Variants in SPART observed in about 807,000 individuals in gnomAD.
SPART encodes the protein spartin.
A neutral mutation model predicts 58.7 loss-of-function variants in SPART; 35 were observed. That is an observed-to-expected ratio of 0.60 (90% CI 0.46 to 0.79). The LOEUF is 0.79. Ranked by LOEUF, SPART falls within the 30% of genes least tolerant of loss-of-function variation. The pLI is 0.00. For missense variants in SPART, 730 were observed against 786.1 expected, an observed-to-expected ratio of 0.93 and a Z score of 0.85; for synonymous variants, 284 against 280.7, an observed-to-expected ratio of 1.01 and a Z score of -0.12.
chr13:36,344,309 C>T (rs1395725082), intron 1 of SPART, among the ~76,000 whole-genome samples: 1 of 152,046 alleles, frequency 6.6e-6, no homozygotes, highest in East Asian at 1.9e-4. Context: ...ATTTTACATA[C>T]GGTGTGATGA....
At chr13:36,359,923 TAAAAA>T (rs375878141) in intron 1 of SPART, among the ~76,000 whole-genome samples, 2 of 120,308 alleles carry the variant, frequency 1.7e-5, no homozygotes, top group African/African-American at 6.6e-5. Flanking sequence ...GTTGTTAATT[TAAAAA>T]AAAAAAAAAA....
At chr13:36,323,271 G>T (rs968761082) in intron 5 of SPART, among the ~76,000 whole-genome samples, 1 of 152,166 alleles carries the variant, frequency 6.6e-6, no homozygotes, top group Admixed American at 6.5e-5. Flanking sequence ...AACCACTAAA[G>T]TGTTTCAGAA....
At chr13:36,365,758 G>C (rs1478701520) in intron 1 of SPART, 2 of 332,910 alleles carry the variant, frequency 6.0e-6, no homozygotes, top group South Asian at 2.9e-5. Flanking sequence ...CGTCTGCAAT[G>C]GAACAGGCGA....
intron 3 of SPART, among the ~76,000 whole-genome samples, chr13:36,330,921 C>T (rs1459590892): frequency 6.6e-6 from 1 of 152,188 alleles, no homozygotes; most frequent in South Asian, 2.1e-4. Context: ...CATAACCTAT[C>T]TACTAAAGCT....
upstream of SPART, among the ~76,000 whole-genome samples, chr13:36,347,985 CT>C (rs1375237276): frequency 6.6e-6 from 1 of 152,054 alleles, no homozygotes; most frequent in South Asian, 2.1e-4. Context: ...GTCAATATTT[CT>C]TTAGTCTTGC....
Position 36,312,044 on chromosome 13 carries a change from G to A in SPART, c.1733+101C>T, listed in dbSNP as rs369796228. ...GGAGGTTGCAGTGACCTAAGATCGC[G>A]CCATTGCACTCCAGCTTGGGCAACA... is the stretch of plus-strand genomic sequence containing the variant. On this transcript the variant is annotated intron_variant, in intron 8 of 8. Coordinates refer to ENST00000438666, the MANE Select transcript of SPART (RefSeq NM_015087.5). The A allele has an allele frequency of 2.9e-5, 31 of 1,071,070 alleles. No individual in the cohort carries two copies. The African/African-American group carries it at 3.0e-4, about 10-fold the overall frequency. 66.3% of individuals were successfully genotyped at this position (1,071,070 alleles called of 1,614,324 possible).
chr13:36,336,576 C>T (rs1366852130), intron 1 of SPART, among the ~76,000 whole-genome samples: 1 of 152,178 alleles, frequency 6.6e-6, no homozygotes, highest in African/African-American at 2.4e-5. Flanking sequence ...ACAAGTGGAA[C>T]TCTTCTACCT....
intron 1 of SPART, among the ~76,000 whole-genome samples, chr13:36,337,826 A>T (rs183945373): frequency 1.9e-3 from 296 of 152,320 alleles, no homozygotes; most frequent in Middle Eastern, 3.4e-3. Flanking sequence ...ATTTTGATAC[A>T]CTGAAAAGCT....
chr13:36,326,644 G>C lies in SPART; in HGVS notation c.1219C>G (p.Pro407Ala), dbSNP rs779484517. The C allele has an allele frequency of 5.6e-6, 9 of 1,612,988 alleles. No individual in the cohort carries two copies. Among genetic ancestry groups the C allele is most frequent in the Non-Finnish European group, 7.6e-6 (9 of 1,179,706 alleles). ...VNLSHIVPCE[P>A]VPEEKPKELP... is the part of the protein sequence containing the mutation. ...TCTTTTGGCTTTTCTTCTGGAACTG[G>C]CTCACATGGTACAATGTGACTCAGG... is the stretch of plus-strand genomic sequence containing the variant. Residue 407 changes from proline to alanine, a missense_variant, in exon 5 of 9, where the codon CCA becomes GCA. Coordinates refer to ENST00000438666, the MANE Select transcript of SPART (RefSeq NM_015087.5).
At chr13:36,365,683 T>C (rs748260482) in intron 1 of SPART, 36 of 448,656 alleles carry the variant, frequency 8.0e-5, no homozygotes, top group African/African-American at 6.8e-4. Context: ...TGTATATACT[T>C]GTAGATGCCT....
In SPART at chr13:36,366,324, T is replaced by C. The variant is rs368218924; in HGVS notation, c.-3+3765A>G. On this transcript the variant is annotated intron_variant, in intron 1 of 8. Coordinates refer to the SPART transcript ENST00000355182. ...TCAGACATTCCATGGAATCTCATCC[T>C]GTCTCTCTATCAAAATTATCACACT... Among the ~76,000 whole-genome samples, 18 of 152,326 alleles carry C rather than the reference T, an allele frequency of 1.2e-4. No individual in the cohort carries two copies. The East Asian group carries it at 1.7e-3, about 15-fold the overall frequency.
chr13:36,338,873 G>A (rs1204854759), intron 1 of SPART, among the ~76,000 whole-genome samples: 2 of 151,992 alleles, frequency 1.3e-5, no homozygotes, highest in Non-Finnish European at 2.9e-5. Flanking sequence ...AGTTCCCTAA[G>A]GAAAACTGTC....
At chr13:36,327,065 G>T (rs1395593261) in intron 4 of SPART, among the ~76,000 whole-genome samples, 2 of 152,090 alleles carry the variant, frequency 1.3e-5, no homozygotes, top group African/African-American at 4.8e-5. Context: ...AAAGATTTTT[G>T]TTAAATGACT....
intron 3 of SPART, among the ~76,000 whole-genome samples, chr13:36,330,161 T>C (rs1345078001): frequency 6.6e-6 from 1 of 152,146 alleles, no homozygotes; most frequent in South Asian, 2.1e-4. Context: ...CCAGTTAACG[T>C]AGGGGTGAAG....
At chr13:36,358,440 C>T (rs768324312) in intron 1 of SPART, among the ~76,000 whole-genome samples, 2 of 152,126 alleles carry the variant, frequency 1.3e-5, no homozygotes, top group Non-Finnish European at 2.9e-5. Context: ...TTGAATTTAC[C>T]TATTTTTTTC....
At chr13:36,339,627 CAAAAA>C (rs71084420) in intron 1 of SPART, among the ~76,000 whole-genome samples, 2 of 38,804 alleles carry the variant, frequency 5.2e-5, no homozygotes, top group African/African-American at 1.2e-4. Context: ...ACGACTCCAT[CAAAAA>C]AAAAAAAAAA....
intron 1 of SPART, among the ~76,000 whole-genome samples, chr13:36,337,243 CTT>C (rs1427412042): frequency 2.6e-5 from 4 of 152,316 alleles, no homozygotes; most frequent in African/African-American, 9.6e-5. Context: ...TAAATCTCCT[CTT>C]GTCTCTCTCT....
chr13:36,331,587 A>G lies in SPART; in HGVS notation c.820T>C (p.Trp274Arg), dbSNP rs772374442. Reference sequence around the variant, plus strand: ...CTATCAGGAACTAGAGGATATAACCAGTCACAAACCTGAAAGGATTCATTA... The same window carrying G: ...CTATCAGGAACTAGAGGATATAACCGGTCACAAACCTGAAAGGATTCATTA... ...RPPGFLQVCD[W>R]LYPLVPDRSP... The change falls in exon 3 of 9, where the codon TGG becomes CGG. Residue 274 changes from tryptophan (W) to arginine (R), a missense_variant. Trp to Arg is a moderately radical substitution (Grantham distance 101). Transcript: ENST00000438666. 6.2e-7 allele frequency: 1 copy of G among 1,613,412 alleles called. No individual in the cohort carries two copies. Among genetic ancestry groups the G allele is most frequent in the Non-Finnish European group, 8.5e-7 (1 of 1,179,496 alleles).
At chr13:36,345,979 G>A (rs1885072449) in intron 1 of SPART, among the ~76,000 whole-genome samples, 1 of 152,190 alleles carries the variant, frequency 6.6e-6, no homozygotes, top group Admixed American at 6.5e-5. Context: ...TTAAGAGGCC[G>A]AAGCTTCCCT....
Sources: gnomAD v4.1 joint callset for allele counts (sites outside exome capture counted in the v4.1 genomes callset) on GRCh38, gnomAD v4.1.1 for gene constraint, MANE v1.5 for transcripts, NCBI Gene and HGNC (gene_info 2026-07-23, HGNC 2026-07-21) for gene names.